Variants in NCAM2 observed in about 807,000 individuals in gnomAD.
NCAM2 encodes the protein neural cell adhesion molecule 2, also known as N-CAM-2.
NCAM2 carries 30 observed loss-of-function variants against 98.1 expected under a neutral mutation model. The ratio of observed to expected loss-of-function variants is 0.31; its 90% confidence interval spans 0.23 to 0.41. The LOEUF (loss-of-function observed/expected upper bound fraction) is 0.41. Among genes scored for constraint, NCAM2 ranks in the 10% least tolerant of loss-of-function variants. The pLI is 1.00. For synonymous variants in NCAM2, 368 were observed against 342.4 expected, an observed-to-expected ratio of 1.07 and a Z score of -0.83; for missense variants, 867 against 1,005.8, an observed-to-expected ratio of 0.86 and a Z score of 1.87.
At chr21:21,355,294 G>A (rs1030930549) in intron 8 of NCAM2, among the ~76,000 whole-genome samples, 1 of 151,368 alleles carries the variant, frequency 6.6e-6, no homozygotes, top group African/African-American at 2.4e-5. Context: ...AATTAGCCGA[G>A]CCTGGTGGTG....
At chr21:21,382,728 C>T (rs1341929993) in intron 9 of NCAM2, among the ~76,000 whole-genome samples, 8 of 151,978 alleles carry the variant, frequency 5.3e-5, no homozygotes, top group South Asian at 2.1e-4. Flanking sequence ...GACGGGGTTT[C>T]GCCATGTTGG....
At chr21:21,064,590 T>G (rs907853300) in intron 1 of NCAM2, among the ~76,000 whole-genome samples, 1 of 152,206 alleles carries the variant, frequency 6.6e-6, no homozygotes, top group Non-Finnish European at 1.5e-5. Context: ...AGAAGTGTTC[T>G]CTTGCCCCTC....
rs556786913 is a variant in NCAM2, at chr21:21,107,297, CA to C, written c.55+108680del. On this transcript the variant is annotated intron_variant, in intron 1 of 17. Coordinates refer to ENST00000400546, the MANE Select transcript of NCAM2 (RefSeq NM_004540.5). Reference sequence around the variant, plus strand: ...CAGAAAGATTACATGACCTGTCCAGCACTATAGATCTAGTAAATGGTGGTGC... The same window carrying C: ...CAGAAAGATTACATGACCTGTCCAGCCTATAGATCTAGTAAATGGTGGTGC... Among the ~76,000 whole-genome samples, 72 of 152,106 alleles carry C rather than the reference CA, an allele frequency of 4.7e-4. 1 individual carries two copies. The South Asian group carries it at 0.014, about 30-fold the overall frequency.
At chr21:21,351,419 TTTAA>T (rs2075337019) in intron 8 of NCAM2, among the ~76,000 whole-genome samples, 1 of 152,248 alleles carries the variant, frequency 6.6e-6, no homozygotes, top group Non-Finnish European at 1.5e-5. Flanking sequence ...GACCTCTTTA[TTTAA>T]TTAATGTTGT....
At chr21:21,473,443 C>A (rs1006114178) in intron 14 of NCAM2, among the ~76,000 whole-genome samples, 1 of 147,520 alleles carries the variant, frequency 6.8e-6, no homozygotes, top group Non-Finnish European at 1.5e-5. Flanking sequence ...TTGAGAGTAG[C>A]AAATGGAGTT....
intron 1 of NCAM2, among the ~76,000 whole-genome samples, chr21:21,233,962 C>T (rs540261789): frequency 2.6e-5 from 4 of 151,430 alleles, no homozygotes; most frequent in South Asian, 4.2e-4. Flanking sequence ...ATGGAGAGTC[C>T]GTTTATCAGT....
chr21:21,057,658 G>A (rs961786109), intron 1 of NCAM2, among the ~76,000 whole-genome samples: 12 of 151,992 alleles, frequency 7.9e-5, no homozygotes, highest in African/African-American at 2.4e-4. Flanking sequence ...CCTTCTCCAT[G>A]CAATTGCCAT....
chr21:21,412,112 G>A (rs568133357), intron 10 of NCAM2, among the ~76,000 whole-genome samples: 13 of 152,174 alleles, frequency 8.5e-5, no homozygotes, highest in Non-Finnish European at 1.9e-4. Flanking sequence ...ACAGAAATTT[G>A]TTCTGAGTTC....
At chr21:21,467,710 G>T (rs1182172209) in intron 13 of NCAM2, among the ~76,000 whole-genome samples, 3 of 151,502 alleles carry the variant, frequency 2.0e-5, no homozygotes, top group African/African-American at 7.3e-5. Context: ...GAATCAGCTG[G>T]GTGTGGTGGT....
intron 1 of NCAM2, among the ~76,000 whole-genome samples, chr21:21,097,847 T>C (rs1332098851): frequency 2.3e-5 from 2 of 86,558 alleles, no homozygotes; most frequent in African/African-American, 6.4e-5. Context: ...AACCCAGAAT[T>C]GAACAAACGT....
chr21:21,143,542 G>C (rs540367498), intron 1 of NCAM2, among the ~76,000 whole-genome samples: 1 of 152,188 alleles, frequency 6.6e-6, no homozygotes, highest in South Asian at 2.1e-4. Context: ...TTTCCTCTGT[G>C]TATAGTTTTA....
chr21:21,427,103 G>T (rs978866449), intron 11 of NCAM2, among the ~76,000 whole-genome samples: 4 of 152,168 alleles, frequency 2.6e-5, no homozygotes, highest in Non-Finnish European at 5.9e-5. Context: ...AACTATGCGT[G>T]CTGGGAGAGC....
At chr21:21,394,014 A>G (rs1382546821) in intron 9 of NCAM2, among the ~76,000 whole-genome samples, 1 of 152,214 alleles carries the variant, frequency 6.6e-6, no homozygotes, top group African/African-American at 2.4e-5. Flanking sequence ...ATTAGAGAGA[A>G]AGCCAGTATG....
intron 16 of NCAM2, among the ~76,000 whole-genome samples, chr21:21,532,582 C>T (rs1989766814): frequency 6.6e-6 from 1 of 152,038 alleles, no homozygotes; most frequent in Non-Finnish European, 1.5e-5. Flanking sequence ...TTCACTAGTT[C>T]TGTCTTCTCT....
intron 1 of NCAM2, among the ~76,000 whole-genome samples, chr21:21,135,123 G>A (rs1021349822): frequency 1.6e-4 from 24 of 151,502 alleles, no homozygotes; most frequent in African/African-American, 5.3e-4. Flanking sequence ...CCGGGCACCT[G>A]TAGTCCCAGC....
intron 11 of NCAM2, among the ~76,000 whole-genome samples, chr21:21,420,087 T>A (rs2077080538): frequency 6.6e-6 from 1 of 151,950 alleles, no homozygotes; most frequent in Admixed American, 6.6e-5. Context: ...GATGAAAAAA[T>A]TAAAAAGCAA....
At chr21:21,035,902 T>A (rs62208966) in intron 1 of NCAM2, among the ~76,000 whole-genome samples, 15,833 of 152,194 alleles carry the variant, frequency 0.1, 1,020 homozygotes, top group Middle Eastern at 0.14. Flanking sequence ...TTATTTTCTG[T>A]GGCCTATAGC....
chr21:21,062,504 A>G (rs936084797), intron 1 of NCAM2, among the ~76,000 whole-genome samples: 2 of 152,202 alleles, frequency 1.3e-5, no homozygotes, highest in Admixed American at 6.5e-5. Flanking sequence ...GCCATGTGTT[A>G]GGCACTCAGG....
At chr21:21,283,631 G>A (rs1393411844) in intron 2 of NCAM2, among the ~76,000 whole-genome samples, 4 of 151,814 alleles carry the variant, frequency 2.6e-5, no homozygotes, top group African/African-American at 9.7e-5. Context: ...AAAAACGGTC[G>A]TTGGCCTTAT....
Sources: gnomAD v4.1 joint callset for allele counts (sites outside exome capture counted in the v4.1 genomes callset) on GRCh38, gnomAD v4.1.1 for gene constraint, MANE v1.5 for transcripts, NCBI Gene and HGNC (gene_info 2026-07-23, HGNC 2026-07-21) for gene names.